Variants in POM121C observed in about 807,000 individuals in gnomAD.
POM121C encodes the protein POM121 transmembrane nucleoporin C.
Under a neutral mutation model 66.4 loss-of-function variants are expected in POM121C, and 20 were observed. That is an observed-to-expected ratio of 0.30 (90% CI 0.21 to 0.44). The LOEUF (loss-of-function observed/expected upper bound fraction) is 0.44. Ranked by LOEUF, POM121C falls within the 20% of genes least tolerant of loss-of-function variation. The pLI is 1.00. For missense variants in POM121C, 580 were observed against 1,225.7 expected, an observed-to-expected ratio of 0.47 and a Z score of 7.87; for synonymous variants, 286 against 528.0, an observed-to-expected ratio of 0.54 and a Z score of 6.28.
chr7:75,459,591 C>A (rs1791376990), intron 3 of POM121C, among the ~76,000 whole-genome samples: 1 of 29,010 alleles, frequency 3.4e-5, no homozygotes. Flanking sequence ...TGGAGTGAGA[C>A]TCTGTCTCAA....
chr7:75,469,753 T>C (rs1791799893), intron 3 of POM121C, among the ~76,000 whole-genome samples: 1 of 152,198 alleles, frequency 6.6e-6, no homozygotes, highest in Admixed American at 6.6e-5. Flanking sequence ...ATTGGCTTTT[T>C]CTGCTGTTCT....
At chr7:75,475,883 T>C (rs1178023832) in intron 1 of POM121C, among the ~76,000 whole-genome samples, 1 of 152,076 alleles carries the variant, frequency 6.6e-6, no homozygotes, top group African/African-American at 2.4e-5. Context: ...CTCAGTTAAC[T>C]TGAAGTCCTT....
At chr7:75,475,974 C>G (rs1584715844) in intron 1 of POM121C, among the ~76,000 whole-genome samples, 1 of 152,014 alleles carries the variant, frequency 6.6e-6, no homozygotes, top group East Asian at 1.9e-4. Flanking sequence ...AAACATGAAG[C>G]AGCTTCAATT....
At chr7:75,440,645 T>A in intron 5 of POM121C, 1 of 435,740 alleles carries the variant, frequency 2.3e-6, no homozygotes, top group Non-Finnish European at 4.1e-6. Context: ...CCGGAAGACT[T>A]AGAGCCTTCT....
At chr7:75,427,913 G>A (rs587603747) in intron 7 of POM121C, among the ~76,000 whole-genome samples, 1 of 152,248 alleles carries the variant, frequency 6.6e-6, no homozygotes, top group African/African-American at 2.4e-5. Context: ...CCCAGGAGGA[G>A]CTTGAGAAGA....
chr7:75,437,551 A>G lies in POM121C; in HGVS notation c.444T>C (p.Ile148=). 1.2e-6 allele frequency: 2 copies of G among 1,613,912 alleles called. No homozygotes were observed. The highest frequency in any genetic ancestry group is 1.1e-5 in the South Asian group (1 of 91,066). Residue 148 remains isoleucine (I), a synonymous_variant, in exon 7 of 15, where the codon ATT becomes ATC. Transcript: ENST00000615331. ...CTCGAGTGGAGCTGTAGGAACTGGT[A>G]ATGGCATTGCGGCTGGAGCTAGGGA... The part of the protein sequence containing the change: ...SGIPSSSRNA[I]TSSYSSTRGI...
chr7:75,481,122 G>C (rs1792295395), intron 1 of POM121C, among the ~76,000 whole-genome samples: 1 of 149,130 alleles, frequency 6.7e-6, no homozygotes, highest in Non-Finnish European at 1.5e-5. Context: ...TGAAGTATCT[G>C]AACAAAAGGA....
intron 7 of POM121C, among the ~76,000 whole-genome samples, chr7:75,427,711 T>A (rs1554471880): frequency 6.6e-6 from 1 of 152,174 alleles, no homozygotes. Context: ...CCGTCTTTCC[T>A]ACTTGAAAAG....
chr7:75,442,362 C>T (rs1321072540), intron 3 of POM121C: 4 of 1,426,774 alleles, frequency 2.8e-6, no homozygotes, highest in Non-Finnish European at 2.7e-6. Context: ...AGGAGCAGTT[C>T]GGCAGGGTCA....
Position 75,421,536 on chromosome 7 carries a change from T to G in POM121C, c.2716A>C (p.Thr906Pro). 1 of 1,611,186 alleles carries G rather than the reference T, an allele frequency of 6.2e-7. No individual in the cohort carries two copies. Among genetic ancestry groups the G allele is most frequent in the Non-Finnish European group, 8.5e-7 (1 of 1,179,664 alleles). The change falls in exon 13 of 15, where the codon ACA becomes CCA. Residue 906 changes from threonine to proline, a missense_variant. Coordinates refer to ENST00000615331, the MANE Select transcript of POM121C (RefSeq NM_001099415.3). ...CCAAACACAGGTTTGCTCTCAGTTGTGCTGCCCACGTTGAAGGCAAACGGT... is the reference window on the plus strand; with the variant it reads ...CCAAACACAGGTTTGCTCTCAGTTGGGCTGCCCACGTTGAAGGCAAACGGT... ...STPFAFNVGS[T>P]TESKPVFGGT...
chr7:75,476,517 C>G (rs1388096031), intron 1 of POM121C, among the ~76,000 whole-genome samples: 1 of 151,884 alleles, frequency 6.6e-6, no homozygotes, highest in African/African-American at 2.4e-5. Flanking sequence ...ATGTAGATCC[C>G]AAGAGATAGC....
Position 75,421,669 on chromosome 7 carries a change from G to A in POM121C, c.2583C>T (p.Thr861=). The A allele has an allele frequency of 1.2e-6, 2 of 1,611,500 alleles. No homozygotes were observed. The highest frequency in any genetic ancestry group is 1.7e-6 in the Non-Finnish European group (2 of 1,179,158). ...CTGCTCCAAAGCTGAAAGCTCCGGT[G>A]GTGGCGCTGGAGCCTGGGGTGGCCA... is the stretch of plus-strand genomic sequence containing the variant. ...INVATPGSSA[T]TGAFSFGAGQ... The change falls in exon 13 of 15, where the codon ACC becomes ACT. Residue 861 remains threonine (T), a synonymous_variant. Transcript: ENST00000615331.
intron 6 of POM121C, 84 bp downstream of exon 6, chr7:75,439,060 A>T: frequency 6.7e-7 from 1 of 1,485,246 alleles, no homozygotes; most frequent in Non-Finnish European, 9.3e-7. Flanking sequence ...TGCAAAAAAC[A>T]AAGAGGAAAA....
At chr7:75,473,749 C>T (rs1388914097) in intron 3 of POM121C, among the ~76,000 whole-genome samples, 22 of 150,746 alleles carry the variant, frequency 1.5e-4, no homozygotes, top group Non-Finnish European at 2.2e-4. Flanking sequence ...AGTGCAGTGG[C>T]GGGATCTCGG....
At chr7:75,460,109 T>G (rs369080273) in intron 3 of POM121C, among the ~76,000 whole-genome samples, 9,312 of 138,666 alleles carry the variant, frequency 0.067, 316 homozygotes, top group Non-Finnish European at 0.097. Flanking sequence ...AGGGAACAAG[T>G]AGAAAATAGA....
chr7:75,484,739 G>C lies in POM121C; in HGVS notation c.-458+1125C>G, dbSNP rs111687868. Among the ~76,000 whole-genome samples the C allele has an allele frequency of 6.5e-3, 982 of 150,708 alleles. 6 individuals are homozygous for C. Among genetic ancestry groups the C allele is most frequent in the South Asian group, 0.016 (76 of 4,758 alleles). On this transcript the variant is annotated intron_variant, in intron 1 of 14. Coordinates refer to ENST00000615331, the MANE Select transcript of POM121C (RefSeq NM_001099415.3). ...CTCTAAGATAATCAGGTAGTAATTAGATGAGTTAGACTCTCATGGGTAACA... is the reference window on the plus strand; with the variant it reads ...CTCTAAGATAATCAGGTAGTAATTACATGAGTTAGACTCTCATGGGTAACA...
intron 3 of POM121C, among the ~76,000 whole-genome samples, chr7:75,448,494 C>CAAAA (rs1790907554): frequency 2.3e-5 from 1 of 43,600 alleles, no homozygotes; most frequent in African/African-American, 1.1e-4. Context: ...CATCACCCAA[C>CAAAA]AGAAACAGAA....
rs1430171265 is a variant in POM121C, at chr7:75,437,418, T to G, written c.480+97A>C. On this transcript the variant is annotated intron_variant, in intron 7 of 14. Transcript: ENST00000615331. Reference sequence around the variant, plus strand: ...ATCCTCCCGCTTTGGCCTTCCAAAGTGCTGGGATTACATGGCTAAGCTACC... The same window carrying G: ...ATCCTCCCGCTTTGGCCTTCCAAAGGGCTGGGATTACATGGCTAAGCTACC... 4.7e-6 allele frequency: 7 copies of G among 1,478,678 alleles called. No homozygotes were observed. The Admixed American group carries it at 1.6e-4, about 33-fold the overall frequency. The allele number at this position is 1,478,678 out of a possible 1,614,324, so 91.6% of individuals were successfully genotyped here.
At chr7:75,470,095 T>C (rs1409698901) in intron 3 of POM121C, among the ~76,000 whole-genome samples, 2 of 151,824 alleles carry the variant, frequency 1.3e-5, no homozygotes, top group Non-Finnish European at 2.9e-5. Context: ...TTTGTATTTT[T>C]AGTAGAGACG....
Sources: allele counts gnomAD v4.1 joint callset (sites outside exome capture counted in the v4.1 genomes callset), GRCh38; gene constraint gnomAD v4.1.1; transcripts MANE v1.5; gene names NCBI Gene and HGNC (gene_info 2026-07-23, HGNC 2026-07-21).